Variants in ASIC2 observed in about 807,000 individuals in gnomAD.
ASIC2 encodes the protein acid-sensing ion channel 2.
A neutral mutation model predicts 57.3 loss-of-function variants in ASIC2; 25 were observed. That is an observed-to-expected ratio of 0.44 (90% CI 0.32 to 0.61). The LOEUF (loss-of-function observed/expected upper bound fraction) is 0.61. Among genes scored for constraint, ASIC2 ranks in the 20% least tolerant of loss-of-function variants. The pLI is 0.06. For missense variants in ASIC2, 641 were observed against 738.1 expected, an observed-to-expected ratio of 0.87 and a Z score of 1.52; for synonymous variants, 319 against 307.5, an observed-to-expected ratio of 1.04 and a Z score of -0.39.
At chr17:33,293,776 C>A (rs1377797463), upstream of ASIC2, among the ~76,000 whole-genome samples, 1 of 151,948 alleles carries the variant, frequency 6.6e-6, no homozygotes, top group African/African-American at 2.4e-5. Flanking sequence ...GAGTGTGGTG[C>A]ATGCAGGATG....
intron 1 of ASIC2, among the ~76,000 whole-genome samples, chr17:33,868,984 G>A (rs2141929950): frequency 6.6e-6 from 1 of 152,268 alleles, no homozygotes; most frequent in East Asian, 1.9e-4. Flanking sequence ...AGGATCACTT[G>A]AGCCCAGGAG....
chr17:33,461,267 A>T (rs1912625343), intron 1 of ASIC2, among the ~76,000 whole-genome samples: 1 of 152,220 alleles, frequency 6.6e-6, no homozygotes, highest in Non-Finnish European at 1.5e-5. Flanking sequence ...TTGAAACCTT[A>T]TTCACCCTGT....
chr17:33,275,971 G>A (rs1437778459), intron 1 of ASIC2, among the ~76,000 whole-genome samples: 1 of 152,196 alleles, frequency 6.6e-6, no homozygotes, highest in African/African-American at 2.4e-5. Context: ...GGAACCACAT[G>A]ATAATTTTAG....
At chr17:33,413,946 T>G (rs931536607) in intron 1 of ASIC2, among the ~76,000 whole-genome samples, 1 of 152,168 alleles carries the variant, frequency 6.6e-6, no homozygotes, top group Non-Finnish European at 1.5e-5. Context: ...TTATCTTATC[T>G]TGGTTTTAGG....
At chr17:33,548,870 C>T (rs1323839487) in intron 1 of ASIC2, among the ~76,000 whole-genome samples, 4 of 152,052 alleles carry the variant, frequency 2.6e-5, no homozygotes, top group Non-Finnish European at 5.9e-5. Flanking sequence ...GACTTCTTCC[C>T]GTCATTCACA....
intron 1 of ASIC2, among the ~76,000 whole-genome samples, chr17:33,889,097 G>A (rs1470405985): frequency 1.3e-5 from 2 of 152,196 alleles, no homozygotes; most frequent in Admixed American, 6.5e-5. Context: ...AGCCTGTTCA[G>A]TTTATTAAAT....
At chr17:33,948,584 A>G (rs919316425) in intron 1 of ASIC2, among the ~76,000 whole-genome samples, 1 of 152,210 alleles carries the variant, frequency 6.6e-6, no homozygotes, top group Non-Finnish European at 1.5e-5. Context: ...TCAAACACTA[A>G]GTCTGCACTA....
At chr17:33,378,714 T>C (rs1275478504) in intron 1 of ASIC2, among the ~76,000 whole-genome samples, 1 of 152,122 alleles carries the variant, frequency 6.6e-6, no homozygotes, top group African/African-American at 2.4e-5. Flanking sequence ...CTCAGAAAAA[T>C]GTTAGATGGT....
At chr17:33,138,378 T>G (rs999465430) in intron 1 of ASIC2, among the ~76,000 whole-genome samples, 1 of 152,078 alleles carries the variant, frequency 6.6e-6, no homozygotes, top group African/African-American at 2.4e-5. Context: ...TTATCTAACA[T>G]TTAAGTACAA....
chr17:33,237,523 T>C (rs554989545), intron 1 of ASIC2, among the ~76,000 whole-genome samples: 13 of 152,226 alleles, frequency 8.5e-5, no homozygotes, highest in Admixed American at 4.6e-4. Context: ...GGTGATTTTG[T>C]GTTTTTAGTA....
intron 1 of ASIC2, among the ~76,000 whole-genome samples, chr17:33,180,474 A>C (rs114455891): frequency 6.6e-6 from 1 of 152,036 alleles, no homozygotes; most frequent in Non-Finnish European, 1.5e-5. Flanking sequence ...CCAGCCCCAC[A>C]TGGAGGAGCA....
chr17:33,822,784 A>C (rs1912785438), intron 1 of ASIC2, among the ~76,000 whole-genome samples: 1 of 152,194 alleles, frequency 6.6e-6, no homozygotes, highest in African/African-American at 2.4e-5. Context: ...AGGTTTACTC[A>C]AAATTAGGGA....
At chr17:33,102,843 GCA>G (rs1405352313) in intron 2 of ASIC2, among the ~76,000 whole-genome samples, 8 of 152,158 alleles carry the variant, frequency 5.3e-5, no homozygotes, top group Admixed American at 2.0e-4. Context: ...GAGTGCAATG[GCA>G]TGATCTCGGC....
At chr17:33,565,919 A>T (rs892354280) in intron 1 of ASIC2, 4 of 152,328 alleles carry the variant, frequency 2.6e-5, no homozygotes, top group African/African-American at 4.8e-5. Flanking sequence ...CCCTGACAGC[A>T]TGGTGAGTGT....
At chr17:33,167,359 C>T (rs1463042092) in intron 1 of ASIC2, among the ~76,000 whole-genome samples, 2 of 152,142 alleles carry the variant, frequency 1.3e-5, no homozygotes, top group Non-Finnish European at 2.9e-5. Context: ...CACAGAGGTC[C>T]TGCCCCTACA....
At chr17:33,405,698 G>T (rs911918118) in intron 1 of ASIC2, among the ~76,000 whole-genome samples, 6 of 151,846 alleles carry the variant, frequency 4.0e-5, no homozygotes, top group Non-Finnish European at 4.4e-5. Context: ...TGGTCAGGCT[G>T]GTCTCGAACC....
intron 1 of ASIC2, among the ~76,000 whole-genome samples, chr17:33,238,961 A>C (rs2142117025): frequency 6.6e-6 from 1 of 152,094 alleles, no homozygotes; most frequent in East Asian, 1.9e-4. Flanking sequence ...CCAAGATTGC[A>C]CCACTGTACT....
intron 1 of ASIC2, among the ~76,000 whole-genome samples, chr17:33,390,957 C>T (rs1019785563): frequency 1.3e-5 from 2 of 152,234 alleles, no homozygotes; most frequent in Non-Finnish European, 2.9e-5. Context: ...ATCACTGGAG[C>T]TGTCTGAGAG....
At chr17:33,487,586 T>C (rs997745512) in intron 1 of ASIC2, among the ~76,000 whole-genome samples, 1 of 152,204 alleles carries the variant, frequency 6.6e-6, no homozygotes, top group African/African-American at 2.4e-5. Flanking sequence ...CTTGATTGGA[T>C]TGAAGGATGC....
Sources: allele counts gnomAD v4.1 joint callset (sites outside exome capture counted in the v4.1 genomes callset), GRCh38; gene constraint gnomAD v4.1.1; transcripts MANE v1.5; gene names NCBI Gene and HGNC (gene_info 2026-07-23, HGNC 2026-07-21).